Variants in NPR2 observed in about 807,000 individuals in gnomAD.
The protein encoded by NPR2 is atrial natriuretic peptide receptor 2.
Under a neutral mutation model 120.7 loss-of-function variants are expected in NPR2, and 49 were observed. The ratio of observed to expected loss-of-function variants is 0.41; its 90% CI spans 0.32 to 0.52. NPR2 has a LOEUF of 0.52. Among genes scored for constraint, NPR2 ranks in the 20% least tolerant of loss-of-function variants. The probability of loss-of-function intolerance (pLI) is 0.36; values close to 1 mark genes in which losing one functional copy is unlikely to be tolerated. For missense variants in NPR2, 931 were observed against 1,362.9 expected (o/e 0.68, Z 4.99); for synonymous variants, 484 against 519.8 (o/e 0.93, Z 0.94).
chr9:35,800,189 G>A lies in NPR2; in HGVS notation c.1123+32G>A. On this transcript the variant is annotated intron_variant, in intron 4 of 21. Coordinates refer to ENST00000342694, the MANE Select transcript of NPR2 (RefSeq NM_003995.4). This position sits in a 1 kb window ranked among gnomAD's most constrained non-coding sequence, Gnocchi z 4.7. Reference sequence around the variant, plus strand: ...AAGAGGGGTCAATGGGGGTCTGAGGGCTGATGTCAGGAATAGAGTGGGCTG... The same window carrying A: ...AAGAGGGGTCAATGGGGGTCTGAGGACTGATGTCAGGAATAGAGTGGGCTG... 1.3e-6 allele frequency: 2 copies of A among 1,595,998 alleles called. No individual in the cohort carries two copies. The highest frequency in any genetic ancestry group is 1.7e-6 in the Non-Finnish European group (2 of 1,163,584).
chr9:35,792,481 C>T lies in NPR2; in HGVS notation c.73C>T (p.Leu25=). 1 of 1,610,750 alleles carries T rather than the reference C, an allele frequency of 6.2e-7. No individual in the cohort carries two copies. ...GGTGCGTCCTCCCGGGGCGCGGAAC[C>T]TGACGCTGGCGGTGGTGCTGCCAGA... The part of the protein sequence containing the change: ...GGVRPPGARN[L]TLAVVLPEHN... Residue 25 remains leucine (L), a synonymous_variant, in exon 1 of 22, where the codon CTG becomes TTG. Coordinates refer to ENST00000342694, the MANE Select transcript of NPR2 (RefSeq NM_003995.4).
chr9:35,798,491 A>G (rs1828015259), intron 2 of NPR2, among the ~76,000 whole-genome samples: 1 of 152,206 alleles, frequency 6.6e-6, no homozygotes. Flanking sequence ...AATCGACTTT[A>G]TTATTTCCTA....
Position 35,792,405 on chromosome 9 carries a change from C to G in NPR2, c.-4C>G. ...GGGGGCGGTGGGGCTGCTGCTTTAT[C>G]CCCATGGCGCTGCCATCACTTCTGC... On this transcript the variant is annotated 5_prime_UTR_variant, in exon 1 of 22. It adds an upstream start codon to the 5' untranslated region. Coordinates refer to ENST00000342694, the MANE Select transcript of NPR2 (RefSeq NM_003995.4). 2 of 1,610,368 alleles carry G rather than the reference C, an allele frequency of 1.2e-6. No homozygotes were observed. The highest frequency in any genetic ancestry group is 1.7e-6 in the Non-Finnish European group (2 of 1,179,506).
chr9:35,797,419 G>T (rs1215183084), intron 2 of NPR2, among the ~76,000 whole-genome samples: 1 of 152,182 alleles, frequency 6.6e-6, no homozygotes, highest in Non-Finnish European at 1.5e-5. Context: ...CACACAGGGA[G>T]CACCAGCGGC....
chr9:35,800,545 A>G lies in NPR2; in HGVS notation c.1218+62A>G. ...TGCAAAATCCAGCTTTCAAGGGTTC[A>G]GTCGGGGCAGAACCAAAACTACTAG... is the stretch of plus-strand genomic sequence containing the variant. On this transcript the variant is annotated intron_variant, in intron 5 of 21. Transcript: ENST00000342694. The surrounding 1 kb of genome is among the most constrained non-coding windows in gnomAD (Gnocchi z 4.7). 1.3e-6 allele frequency: 2 copies of G among 1,566,186 alleles called. No homozygotes were observed. Among genetic ancestry groups the G allele is most frequent in the Non-Finnish European group, 1.8e-6 (2 of 1,137,058 alleles).
rs758226195 is a variant in NPR2, at chr9:35,802,477, T to C, written c.1711-26T>C. Reference sequence around the variant, plus strand: ...ATTTTTAACTCTTTCAATTTTCTTATCCTTCCCATTGTTTTTTTCTGCCAG... The same window carrying C: ...ATTTTTAACTCTTTCAATTTTCTTACCCTTCCCATTGTTTTTTTCTGCCAG... On this transcript the variant is annotated intron_variant, in intron 10 of 21. Transcript: ENST00000342694. This position sits in a 1 kb window ranked among gnomAD's most constrained non-coding sequence, Gnocchi z 4.2. 1.9e-5 allele frequency: 26 copies of C among 1,364,510 alleles called. No homozygotes were observed. Among genetic ancestry groups the C allele is most frequent in the Middle Eastern group, 1.8e-4 (1 of 5,644 alleles). 84.5% of individuals were successfully genotyped at this position (1,364,510 alleles called of 1,614,324 possible).
In NPR2 at chr9:35,802,048, C is replaced by T; in HGVS notation, c.1632+48C>T. 1 of 1,556,848 alleles carries T rather than the reference C, an allele frequency of 6.4e-7. No individual in the cohort carries two copies. The highest frequency in any genetic ancestry group is 1.4e-5 in the African/African-American group (1 of 73,906). On this transcript the variant is annotated intron_variant, in intron 9 of 21. Transcript: ENST00000342694. This position sits in a 1 kb window ranked among gnomAD's most constrained non-coding sequence, Gnocchi z 4.2. ...TGGTCCCCACCATTTCATCCTGTCTCATCCCCATCTGCCACCTCTGCCCCT... is the reference window on the plus strand; with the variant it reads ...TGGTCCCCACCATTTCATCCTGTCTTATCCCCATCTGCCACCTCTGCCCCT...
rs1402712147 is a variant in NPR2, at chr9:35,808,932, C to A, written c.2986+79C>A. On this transcript the variant is annotated intron_variant, in intron 20 of 21. Coordinates refer to ENST00000342694, the MANE Select transcript of NPR2 (RefSeq NM_003995.4). This position sits in a 1 kb window ranked among gnomAD's most constrained non-coding sequence, Gnocchi z 4.0. ...CTTCTTTTCATAATCCCTCCAATTT[C>A]TTAATCTGAGAGACCACAGTTCCTT... The A allele has an allele frequency of 1.9e-6, 2 of 1,048,242 alleles. No individual in the cohort carries two copies. Among genetic ancestry groups the A allele is most frequent in the Non-Finnish European group, 3.0e-6 (2 of 665,868 alleles). 64.9% of individuals were successfully genotyped at this position (1,048,242 alleles called of 1,614,324 possible). A position where few individuals can be genotyped will look rare whatever the true frequency, so the allele number is the denominator to read the frequency against.
intron 12 of NPR2, among the ~76,000 whole-genome samples, chr9:35,804,049 GTT>G (rs1828272217): frequency 6.6e-6 from 1 of 152,122 alleles, no homozygotes; most frequent in Admixed American, 6.5e-5. Context: ...CAAAAGTTTT[GTT>G]GATACCAAAA....
chr9:35,803,695 G>A (rs937686785), intron 12 of NPR2, among the ~76,000 whole-genome samples: 2 of 152,208 alleles, frequency 1.3e-5, no homozygotes, highest in Non-Finnish European at 2.9e-5. Context: ...GCATGAGTTG[G>A]ACAGGTTTTC....
In NPR2 at chr9:35,800,862, G is replaced by A; in HGVS notation, c.1351+21G>A. On this transcript the variant is annotated intron_variant, in intron 6 of 21. Coordinates refer to ENST00000342694, the MANE Select transcript of NPR2 (RefSeq NM_003995.4). The surrounding 1 kb of genome is among the most constrained non-coding windows in gnomAD (Gnocchi z 4.7). Reference sequence around the variant, plus strand: ...TAAAAGTGGGTGTGTGCAGGGACTGGGAGCAGCTTTCCTCCCTTTGCTTTC... The same window carrying A: ...TAAAAGTGGGTGTGTGCAGGGACTGAGAGCAGCTTTCCTCCCTTTGCTTTC... The A allele has an allele frequency of 6.2e-7, 1 of 1,614,088 alleles. No homozygotes were observed. The highest frequency in any genetic ancestry group is 8.5e-7 in the Non-Finnish European group (1 of 1,179,986).
intron 12 of NPR2, among the ~76,000 whole-genome samples, chr9:35,803,336 C>T (rs946979847): frequency 1.2e-5 from 1 of 82,794 alleles, no homozygotes; most frequent in Non-Finnish European, 2.2e-5. Context: ...GATCTCTTGA[C>T]CTCGTGATCC....
At chr9:35,801,603 A>C in intron 7 of NPR2, 40 bp from the exon 8 acceptor site, 1 of 1,613,750 alleles carries the variant, frequency 6.2e-7, no homozygotes, top group Non-Finnish European at 8.5e-7. Flanking sequence ...GGGTGGCAGG[A>C]TTCGGCTTGC....
intron 18 of NPR2, chr9:35,807,965 C>T: frequency 1.7e-6 from 1 of 571,954 alleles, no homozygotes; most frequent in South Asian, 2.1e-5. Context: ...CATTGTTTGG[C>T]ATGTGGCAGA....
In NPR2 at chr9:35,808,493, TC is replaced by T. The variant is rs1157653651; in HGVS notation, c.2713-11del. 1 of 1,613,292 alleles carries T rather than the reference TC, an allele frequency of 6.2e-7. No homozygotes were observed. Among genetic ancestry groups the T allele is most frequent in the African/African-American group, 1.3e-5 (1 of 75,036 alleles). ...GATATAAATAGAGGTGACCTTTTAA[TC>T]CCCCTCTCAATCAGGTGGAGACGAT... On this transcript the variant is annotated splice_polypyrimidine_tract_variant and intron_variant, in intron 18 of 21. Transcript: ENST00000342694. This position sits in a 1 kb window ranked among gnomAD's most constrained non-coding sequence, Gnocchi z 4.0.
In NPR2 at chr9:35,792,954, C is replaced by T; in HGVS notation, c.546C>T (p.Phe182=). Residue 182 remains phenylalanine (F), a synonymous_variant, in exon 1 of 22, where the codon TTC becomes TTT. Transcript: ENST00000342694. ...DARTDDRPHY[F]TIEGVFEALQ... The stretch of plus-strand genomic sequence containing the variant: ...GCACAGATGACCGGCCTCACTACTT[C>T]ACCATCGAGGGCGTCTTTGAGGCCC... 1.2e-6 allele frequency: 2 copies of T among 1,613,994 alleles called. No homozygotes were observed. The highest frequency in any genetic ancestry group is 8.5e-7 in the Non-Finnish European group (1 of 1,180,018).
intron 2 of NPR2, among the ~76,000 whole-genome samples, chr9:35,799,094 C>T (rs1432460292): frequency 1.3e-5 from 2 of 152,160 alleles, no homozygotes; most frequent in East Asian, 1.9e-4. Flanking sequence ...ATTCACTGGG[C>T]GGAGACACTG....
chr9:35,806,297 AAGTG>A lies in NPR2; in HGVS notation c.2372+65_2372+68del. The A allele has an allele frequency of 6.2e-7, 1 of 1,610,688 alleles. No homozygotes were observed. Among genetic ancestry groups the A allele is most frequent in the Non-Finnish European group, 8.5e-7 (1 of 1,177,100 alleles). ...GAAGACTCATTAGTCCTAGTGCATGAAGTGGGGCAGGTGGGACCAGAGGGTGGGT... is the reference window on the plus strand; with the variant it reads ...GAAGACTCATTAGTCCTAGTGCATGAGGGCAGGTGGGACCAGAGGGTGGGT... On this transcript the variant is annotated intron_variant, in intron 15 of 21. Coordinates refer to ENST00000342694, the MANE Select transcript of NPR2 (RefSeq NM_003995.4). This position sits in a 1 kb window ranked among gnomAD's most constrained non-coding sequence, Gnocchi z 4.6.
chr9:35,799,997 G>T (rs996843717), intron 3 of NPR2, 25 bp from the exon 4 acceptor site: 7 of 1,613,368 alleles, frequency 4.3e-6, no homozygotes, highest in Admixed American at 3.3e-5. Context: ...CATTTGGAGA[G>T]TACTGCTGAA....
Sources: gnomAD v4.1 joint callset for allele counts (sites outside exome capture counted in the v4.1 genomes callset) on GRCh38, gnomAD v4.1.1 for gene constraint, Gnocchi (gnomAD v3.1) non-coding constraint, MANE v1.5 for transcripts, NCBI Gene and HGNC (gene_info 2026-07-23, HGNC 2026-07-21) for gene names.